Variants in ANTXR1 observed in about 807,000 individuals in gnomAD.
ANTXR1 encodes the protein ANTXR cell adhesion molecule 1.
A neutral mutation model predicts 78.1 loss-of-function variants in ANTXR1; 19 were observed. The ratio of observed to expected loss-of-function variants is 0.24; its 90% CI spans 0.17 to 0.36. ANTXR1 has a LOEUF of 0.36. Among genes scored for constraint, ANTXR1 ranks in the 10% least tolerant of loss-of-function variants. The probability of loss-of-function intolerance (pLI) is 1.00; values close to 1 mark genes in which losing one functional copy is unlikely to be tolerated. For synonymous variants in ANTXR1, 273 were observed against 260.5 expected (o/e 1.05, Z -0.46); for missense variants, 518 against 718.6 (o/e 0.72, Z 3.19).
At position 69,181,879 on chromosome 2, in the gene ANTXR1, G is replaced by A; in HGVS notation, c.1183G>A (p.Glu395Lys). Residue 395 changes from glutamate (E) to lysine (K), a missense_variant and splice_region_variant, in exon 15 of 18, where the codon GAG becomes AAG. Coordinates refer to ENST00000303714, the MANE Select transcript of ANTXR1 (RefSeq NM_032208.3). ...GRGVGGIKRMEVRWGEKGSTE... is the reference protein window; with the variant it reads ...GRGVGGIKRMKVRWGEKGSTE... ...AGGCGTTGGAGGCATTAAAAGAATG[G>A]AGGTAAGAGGACAGCTTCATATACA... 6.2e-7 allele frequency: 1 copy of A among 1,614,008 alleles called. No individual in the cohort carries two copies. Among genetic ancestry groups the A allele is most frequent in the Non-Finnish European group, 8.5e-7 (1 of 1,179,934 alleles).
At chr2:69,050,280 C>G (rs879836109) in intron 3 of ANTXR1, among the ~76,000 whole-genome samples, 2 of 151,862 alleles carry the variant, frequency 1.3e-5, no homozygotes, top group Admixed American at 1.3e-4. Context: ...GCCTGGGCAA[C>G]AGAGTGTGCT....
At chr2:69,146,115 G>A (rs1673219965) in intron 12 of ANTXR1, 1 of 985,504 alleles carries the variant, frequency 1.0e-6, no homozygotes, top group African/African-American at 1.7e-5. Flanking sequence ...GCGGGGCTGA[G>A]CTTGTCCTGC....
intron 9 of ANTXR1, among the ~76,000 whole-genome samples, chr2:69,091,120 A>T (rs1379745610): frequency 1.1e-5 from 1 of 92,740 alleles, no homozygotes; most frequent in Non-Finnish European, 2.7e-5. Flanking sequence ...TTGGAAGTTA[A>T]AAAAAAAAAA....
Position 69,013,793 on chromosome 2 carries a change from G to T in ANTXR1, c.152+142G>T. The T allele has an allele frequency of 1.4e-6, 2 of 1,405,848 alleles. No homozygotes were observed. The highest frequency in any genetic ancestry group is 2.0e-6 in the Non-Finnish European group (2 of 1,021,296). 87.1% of individuals were successfully genotyped at this position (1,405,848 alleles called of 1,614,324 possible). On this transcript the variant is annotated intron_variant, in intron 1 of 17. Coordinates refer to ENST00000303714, the MANE Select transcript of ANTXR1 (RefSeq NM_032208.3). The surrounding 1 kb of genome is among the most constrained non-coding windows in gnomAD (Gnocchi z 5.0). ...GAGGGACCGCGCGGCAGGCGGCGGC[G>T]GAGTGCTGCGCCTTTGTTGGGGCGC... is the stretch of plus-strand genomic sequence containing the variant.
At chr2:69,083,388 G>A (rs576294210) in intron 8 of ANTXR1, among the ~76,000 whole-genome samples, 4 of 152,052 alleles carry the variant, frequency 2.6e-5, no homozygotes, top group East Asian at 1.9e-4. Context: ...CCCTTCCTTC[G>A]CCCCATCTGA....
At chr2:69,029,371 A>G (rs903265277) in intron 1 of ANTXR1, among the ~76,000 whole-genome samples, 4 of 150,454 alleles carry the variant, frequency 2.7e-5, no homozygotes, top group Admixed American at 6.6e-5. Flanking sequence ...GAACACTTAT[A>G]AGAGATACAA....
At chr2:69,019,725 C>G (rs1197289511) in intron 1 of ANTXR1, among the ~76,000 whole-genome samples, 2 of 152,182 alleles carry the variant, frequency 1.3e-5, no homozygotes, top group African/African-American at 2.4e-5. Context: ...GATCCTCTCC[C>G]TCCTGTCACC....
intron 1 of ANTXR1, among the ~76,000 whole-genome samples, chr2:69,020,483 T>C (rs1573773415): frequency 6.6e-6 from 1 of 152,318 alleles, no homozygotes; most frequent in East Asian, 1.9e-4. Context: ...TGTGGAGACC[T>C]GGTTAAACTC....
intron 17 of ANTXR1, among the ~76,000 whole-genome samples, chr2:69,224,932 C>A (rs145144662): frequency 1.3e-5 from 2 of 152,310 alleles, no homozygotes; most frequent in Non-Finnish European, 2.9e-5. Flanking sequence ...GGGAGGTAAG[C>A]TCCAGGTCAG....
chr2:69,216,277 G>A (rs1675171408), intron 17 of ANTXR1, among the ~76,000 whole-genome samples: 1 of 152,112 alleles, frequency 6.6e-6, no homozygotes, highest in Non-Finnish European at 1.5e-5. Flanking sequence ...AATCTTACCA[G>A]AAAGCCAATA....
chr2:69,041,530 G>A (rs1027138154), intron 2 of ANTXR1, among the ~76,000 whole-genome samples: 2 of 152,212 alleles, frequency 1.3e-5, no homozygotes, highest in African/African-American at 4.8e-5. Flanking sequence ...AGGCTTTGAA[G>A]TCAGGCAGAT....
intron 12 of ANTXR1, among the ~76,000 whole-genome samples, chr2:69,150,670 A>C (rs1350016457): frequency 1.1e-5 from 1 of 89,992 alleles, no homozygotes; most frequent in African/African-American, 6.3e-5. Context: ...ACATATACAT[A>C]AATCCATTAT....
chr2:69,162,320 TA>T (rs985695607), intron 13 of ANTXR1, among the ~76,000 whole-genome samples: 3 of 152,312 alleles, frequency 2.0e-5, no homozygotes, highest in African/African-American at 7.2e-5. Context: ...GTCTTCTGCC[TA>T]AAGCTGCCTA....
intron 1 of ANTXR1, among the ~76,000 whole-genome samples, chr2:69,030,323 G>GA (rs1421886518): frequency 1.3e-5 from 2 of 152,018 alleles, no homozygotes; most frequent in Non-Finnish European, 2.9e-5. Flanking sequence ...CAGACAGCAG[G>GA]AAAAAATAGT....
intron 6 of ANTXR1, among the ~76,000 whole-genome samples, chr2:69,073,492 A>G (rs1354633994): frequency 3.9e-5 from 6 of 152,230 alleles, no homozygotes; most frequent in African/African-American, 9.6e-5. Flanking sequence ...TACTTGAAAT[A>G]TGTAAGAGCC....
Position 69,204,741 on chromosome 2 carries a change from C to T in ANTXR1, c.1434+11326C>T, listed in dbSNP as rs539072319. The stretch of plus-strand genomic sequence containing the variant: ...AGGAGAAGGCAGAGTTAGTCCTTGC[C>T]GCCCAATCCCTTCCCTTCCTGTCCT... On this transcript the variant is annotated intron_variant, in intron 17 of 17. Transcript: ENST00000303714. Among the ~76,000 whole-genome samples the T allele has an allele frequency of 8.5e-5, 13 of 152,248 alleles. No individual in the cohort carries two copies. In the South Asian group the frequency reaches 1.2e-3, roughly 15 times the overall value.
At chr2:69,208,615 A>G (rs1038759110) in intron 17 of ANTXR1, among the ~76,000 whole-genome samples, 7 of 152,228 alleles carry the variant, frequency 4.6e-5, no homozygotes, top group Admixed American at 6.5e-5. Flanking sequence ...TAGAAAACTT[A>G]AAAGGCCCAT....
chr2:69,075,465 G>A, intron 6 of ANTXR1, 125 bp from the exon 7 acceptor site: 6 of 914,776 alleles, frequency 6.6e-6, no homozygotes, highest in Non-Finnish European at 1.1e-5. Flanking sequence ...GCCTTCTCCA[G>A]TATGGCACCA....
intron 1 of ANTXR1, among the ~76,000 whole-genome samples, chr2:69,033,899 A>G (rs1466758451): frequency 2.0e-5 from 3 of 152,190 alleles, no homozygotes; most frequent in Non-Finnish European, 4.4e-5. Context: ...TGTGTGGCTA[A>G]TGGAAAGAGC....
Sources: allele counts gnomAD v4.1 joint callset (sites outside exome capture counted in the v4.1 genomes callset), GRCh38; gene constraint gnomAD v4.1.1; non-coding constraint Gnocchi (gnomAD v3.1); transcripts MANE v1.5; gene names NCBI Gene and HGNC (gene_info 2026-07-23, HGNC 2026-07-21).